The following CCDC192 variants were observed in gnomAD, a reference collection of about 807,000 sequenced individuals.
CCDC192 encodes coiled-coil domain-containing protein 192.
chr5:127,860,750 A>G (rs548832283), intron 5 of CCDC192, among the ~76,000 whole-genome samples: 3 of 152,344 alleles, frequency 2.0e-5, no homozygotes, highest in East Asian at 1.9e-4. Flanking sequence ...TCTAGTAACT[A>G]TACTTCCCAT....
intron 6 of CCDC192, among the ~76,000 whole-genome samples, chr5:127,932,130 G>A (rs1436173569): frequency 4.0e-5 from 6 of 148,874 alleles, no homozygotes; most frequent in African/African-American, 1.5e-4. Context: ...CTCCAGCCTG[G>A]GCAACAGAGT....
At chr5:127,936,695 C>G (rs1414495028) in intron 6 of CCDC192, among the ~76,000 whole-genome samples, 1 of 152,226 alleles carries the variant, frequency 6.6e-6, no homozygotes, top group Non-Finnish European at 1.5e-5. Context: ...TCCTCCGTCT[C>G]ACATAGAAGA....
At chr5:127,747,267 C>A (rs1485086352) in intron 2 of CCDC192, among the ~76,000 whole-genome samples, 2 of 152,102 alleles carry the variant, frequency 1.3e-5, no homozygotes, top group East Asian at 1.9e-4. Context: ...TCTCCCCACC[C>A]CGCAACAGTC....
intron 5 of CCDC192, among the ~76,000 whole-genome samples, chr5:127,822,989 C>G (rs937652159): frequency 6.6e-6 from 1 of 152,154 alleles, no homozygotes; most frequent in African/African-American, 2.4e-5. Flanking sequence ...AGGGCCCTCT[C>G]AACGCTCCTC....
intron 3 of CCDC192, among the ~76,000 whole-genome samples, chr5:127,758,275 A>G (rs545193850): frequency 6.6e-6 from 1 of 152,280 alleles, no homozygotes; most frequent in African/African-American, 2.4e-5. Flanking sequence ...AGCAAGGTCC[A>G]CTGTTACAAA....
intron 5 of CCDC192, among the ~76,000 whole-genome samples, chr5:127,858,695 C>T (rs1247908781): frequency 1.3e-5 from 2 of 152,188 alleles, no homozygotes; most frequent in Non-Finnish European, 1.5e-5. Flanking sequence ...GAGGCATTTA[C>T]CCAGTCATAG....
At chr5:127,807,566 A>G (rs1757859414) in intron 5 of CCDC192, among the ~76,000 whole-genome samples, 1 of 152,180 alleles carries the variant, frequency 6.6e-6, no homozygotes, top group Non-Finnish European at 1.5e-5. Flanking sequence ...TCAGTCAATC[A>G]GTTGTTCAAT....
chr5:127,806,260 T>C (rs904016227), intron 5 of CCDC192, among the ~76,000 whole-genome samples: 1 of 152,154 alleles, frequency 6.6e-6, no homozygotes, highest in African/African-American at 2.4e-5. Context: ...AATGTTTGAG[T>C]TGGGTTCATT....
chr5:127,798,134 A>T lies in CCDC192; in HGVS notation c.383A>T (p.Lys128Ile), dbSNP rs954732803. ...QCIQKLQAEV[K>I]ASQEQLIAQK... ...ATCCAGAAATTGCAAGCTGAAGTAA[A>T]AGCTTCCCAGGAGCAACTTATAGCC... The change falls in exon 5 of 7, where the codon AAA becomes ATA. Residue 128 changes from lysine to isoleucine, a missense_variant. Coordinates refer to ENST00000514853, the MANE Select transcript of CCDC192 (RefSeq NM_001317938.2). 1.5e-5 allele frequency: 6 copies of T among 398,272 alleles called. No individual in the cohort carries two copies. The highest frequency in any genetic ancestry group is 1.2e-4 in the African/African-American group (6 of 48,568). 24.7% of individuals were successfully genotyped at this position (398,272 alleles called of 1,614,324 possible). A position where few individuals can be genotyped will look rare whatever the true frequency, so the allele number is the denominator to read the frequency against.
intron 5 of CCDC192, among the ~76,000 whole-genome samples, chr5:127,842,024 G>T (rs1407991772): frequency 6.6e-6 from 1 of 152,142 alleles, no homozygotes; most frequent in Non-Finnish European, 1.5e-5. Flanking sequence ...TGTTTTAAAG[G>T]GGGAGCCACC....
At chr5:127,809,062 C>T (rs550671674) in intron 5 of CCDC192, among the ~76,000 whole-genome samples, 1 of 152,238 alleles carries the variant, frequency 6.6e-6, no homozygotes, top group African/African-American at 2.4e-5. Flanking sequence ...AAATTTGCAT[C>T]TCAAGGGGAT....
intron 5 of CCDC192, among the ~76,000 whole-genome samples, chr5:127,865,393 T>C (rs116767907): frequency 0.014 from 2,204 of 152,146 alleles, 48 homozygotes; most frequent in African/African-American, 0.05. Flanking sequence ...AGAGCAGGAC[T>C]GACACCTTTA....
intron 6 of CCDC192, among the ~76,000 whole-genome samples, chr5:127,936,940 G>T (rs567305021): frequency 6.6e-6 from 1 of 152,194 alleles, no homozygotes; most frequent in Admixed American, 6.5e-5. Context: ...AGACTAGATG[G>T]GGGGAGAGGA....
At chr5:127,870,951 G>C (rs1321576722) in intron 5 of CCDC192, among the ~76,000 whole-genome samples, 1 of 152,162 alleles carries the variant, frequency 6.6e-6, no homozygotes, top group Non-Finnish European at 1.5e-5. Context: ...CTTCAATAGC[G>C]AGCATTTTGC....
At chr5:127,852,996 A>T (rs1048505779) in intron 5 of CCDC192, among the ~76,000 whole-genome samples, 5 of 152,182 alleles carry the variant, frequency 3.3e-5, no homozygotes, top group African/African-American at 1.2e-4. Context: ...AGGCTGAGGC[A>T]GGAGAAAGGT....
Position 127,829,525 on chromosome 5 carries a change from A to G in CCDC192, c.411+31363A>G, listed in dbSNP as rs190600074. 1.4e-3 allele frequency among the ~76,000 whole-genome samples: 210 copies of G among 152,338 alleles called. 1 individual carries two copies. The highest frequency in any genetic ancestry group is 1.9e-3 in the Non-Finnish European group (131 of 68,020). ...TGGGAATCAAAGAGAAAAGAATAGC[A>G]GGGAATAAAAGAAATTGCTATAGGA... On this transcript the variant is annotated intron_variant, in intron 5 of 6. Coordinates refer to ENST00000514853, the MANE Select transcript of CCDC192 (RefSeq NM_001317938.2).
chr5:127,832,165 G>A (rs540785414), intron 5 of CCDC192, among the ~76,000 whole-genome samples: 68 of 152,282 alleles, frequency 4.5e-4, no homozygotes, highest in African/African-American at 1.6e-3. Context: ...AATCTCACCA[G>A]TATTCAGGAA....
chr5:127,830,756 T>C (rs1485029655), intron 5 of CCDC192, among the ~76,000 whole-genome samples: 1 of 150,380 alleles, frequency 6.6e-6, no homozygotes, highest in Non-Finnish European at 1.5e-5. Flanking sequence ...ATGCTAAAGG[T>C]TTTTGAGAAA....
intron 3 of CCDC192, among the ~76,000 whole-genome samples, chr5:127,777,960 C>T (rs1222632066): frequency 1.3e-5 from 2 of 151,596 alleles, no homozygotes; most frequent in Non-Finnish European, 2.9e-5. Context: ...GGAAAACAGA[C>T]TAATAAAATC....
Sources: gnomAD v4.1 joint callset for allele counts (sites outside exome capture counted in the v4.1 genomes callset) on GRCh38, gnomAD v4.1.1 for gene constraint, MANE v1.5 for transcripts, NCBI Gene and HGNC (gene_info 2026-07-23, HGNC 2026-07-21) for gene names.